The following COL15A1 variants were observed in gnomAD, a reference collection of about 807,000 sequenced individuals.
The protein encoded by COL15A1 is collagen type XV alpha 1 chain, also known as collagen alpha-1(XV) chain.
COL15A1 carries 111 observed loss-of-function variants against 165.9 expected under a neutral mutation model. The observed-to-expected ratio is 0.67, with a 90% CI of 0.57 to 0.78. The LOEUF (loss-of-function observed/expected upper bound fraction) is 0.78, where lower values mean the gene tolerates loss of function less well. COL15A1 is among the 30% of genes least tolerant of loss of function. The probability of loss-of-function intolerance (pLI) is 0.00; values close to 1 mark genes in which losing one functional copy is unlikely to be tolerated. For synonymous variants in COL15A1, 659 were observed against 674.8 expected (o/e 0.98, Z 0.36); for missense variants, 1,745 against 1,789.7 (o/e 0.98, Z 0.45).
Position 98,985,592 on chromosome 9 carries a change from T to C in COL15A1, c.128T>C (p.Leu43Pro), listed in dbSNP as rs995849677. 5 of 1,613,904 alleles carry C rather than the reference T, an allele frequency of 3.1e-6. No homozygotes were observed. In the South Asian group the frequency reaches 5.5e-5, roughly 18 times the overall value. The change falls in exon 3 of 42, where the codon CTC (leucine) becomes CCC (proline). Residue 43 changes from leucine (L) to proline (P), a missense_variant. Leu to Pro is a moderately conservative substitution (Grantham distance 98). Transcript: ENST00000375001. The stretch of plus-strand genomic sequence containing the variant: ...ACTGCTTCCCAGGGTCACCTGGACC[T>C]CACGCAGCTCATCGGTGTCCCGCTG... Reference protein sequence around the residue: ...TETASQGHLDLTQLIGVPLPS... With the variant: ...TETASQGHLDPTQLIGVPLPS...
intron 16 of COL15A1, among the ~76,000 whole-genome samples, chr9:99,027,335 A>G (rs1839142999): frequency 1.3e-5 from 2 of 152,208 alleles, no homozygotes; most frequent in African/African-American, 2.4e-5. Flanking sequence ...CACTGAACTG[A>G]ATTTCTAGTT....
chr9:98,988,268 A>G (rs1463732647), intron 4 of COL15A1, among the ~76,000 whole-genome samples: 1 of 152,238 alleles, frequency 6.6e-6, no homozygotes, highest in East Asian at 1.9e-4. Context: ...CCTGTGTTCC[A>G]TGAGCCAGTG....
chr9:98,981,865 G>A (rs1396695461), intron 2 of COL15A1, among the ~76,000 whole-genome samples: 1 of 151,608 alleles, frequency 6.6e-6, no homozygotes, highest in East Asian at 1.9e-4. Context: ...AGTGCAGTGG[G>A]GTGATCATAG....
At chr9:98,998,271 C>A (rs1838583291) in intron 6 of COL15A1, among the ~76,000 whole-genome samples, 1 of 152,120 alleles carries the variant, frequency 6.6e-6, no homozygotes. Context: ...TACAAGTCTT[C>A]TACAATAATA....
intron 5 of COL15A1, among the ~76,000 whole-genome samples, chr9:98,991,325 C>A (rs1294208702): frequency 6.6e-6 from 1 of 152,110 alleles, no homozygotes; most frequent in Non-Finnish European, 1.5e-5. Flanking sequence ...TTACAGAGAG[C>A]TGATTGGTCC....
At chr9:99,043,497 C>T (rs1479572619) in intron 24 of COL15A1, among the ~76,000 whole-genome samples, 3 of 152,156 alleles carry the variant, frequency 2.0e-5, no homozygotes, top group South Asian at 2.1e-4. Flanking sequence ...TCCAGGCAGC[C>T]GGGCAGTTCT....
intron 6 of COL15A1, among the ~76,000 whole-genome samples, chr9:98,998,806 C>T (rs927264547): frequency 6.6e-6 from 1 of 152,250 alleles, no homozygotes; most frequent in Non-Finnish European, 1.5e-5. Context: ...ATCAGCCACA[C>T]TCCTTATCTA....
chr9:99,054,985 C>A, intron 32 of COL15A1, 117 bp from the exon 33 acceptor site: 1 of 908,352 alleles, frequency 1.1e-6, no homozygotes, highest in Non-Finnish European at 1.8e-6. Context: ...ACTCTGTTAG[C>A]CAACCCAGTG....
chr9:99,004,029 G>A (rs917883421), intron 8 of COL15A1, among the ~76,000 whole-genome samples: 1 of 152,188 alleles, frequency 6.6e-6, no homozygotes, highest in African/African-American at 2.4e-5. Flanking sequence ...CAGCAAGGTG[G>A]GCTGGCAGGA....
intron 5 of COL15A1, among the ~76,000 whole-genome samples, chr9:98,991,071 C>T (rs1838416010): frequency 6.6e-6 from 1 of 152,192 alleles, no homozygotes; most frequent in African/African-American, 2.4e-5. Flanking sequence ...CATGGTCTTG[C>T]TGGCCTCAGG....
chr9:98,998,623 C>A (rs10988521), intron 6 of COL15A1, among the ~76,000 whole-genome samples: 2 of 152,016 alleles, frequency 1.3e-5, no homozygotes, highest in South Asian at 2.1e-4. Context: ...TGAATCTGGC[C>A]GCAGTTGTGG....
In COL15A1 at chr9:99,067,016, C is replaced by T; in HGVS notation, c.3786C>T (p.Ser1262=). ...AFLSSHLQDL[S]TIVRKAERYS... Reference sequence around the variant, plus strand: ...TATCTTCCCATTTGCAAGATCTGTCCACCATTGTGAGGAAAGCAGAGAGAT... The same window carrying T: ...TATCTTCCCATTTGCAAGATCTGTCTACCATTGTGAGGAAAGCAGAGAGAT... Residue 1262 remains serine, a synonymous_variant, in exon 40 of 42, where the codon TCC becomes TCT. Coordinates refer to ENST00000375001, the MANE Select transcript of COL15A1 (RefSeq NM_001855.5). The T allele has an allele frequency of 6.2e-7, 1 of 1,614,128 alleles. No individual in the cohort carries two copies.
Position 99,049,987 on chromosome 9 carries a change from C to G in COL15A1, c.2904+92C>G, listed in dbSNP as rs1032870687. 2.2e-5 allele frequency: 34 copies of G among 1,534,756 alleles called. No individual in the cohort carries two copies. The African/African-American group carries it at 4.2e-4, about 19-fold the overall frequency. On this transcript the variant is annotated intron_variant, in intron 30 of 41. Transcript: ENST00000375001. ...GTCTTTGTCTTGGGCCCTTTCTATC[C>G]TCAAATGTCCTCTCTGATGTCTTCT...
Position 99,005,005 on chromosome 9 carries a change from G to A in COL15A1, c.1308G>A (p.Leu436=), listed in dbSNP as rs768244834. The A allele has an allele frequency of 1.9e-5, 30 of 1,613,516 alleles. No individual in the cohort carries two copies. The Admixed American group carries it at 5.0e-4, about 27-fold the overall frequency. The change falls in exon 9 of 42, where the codon CTG becomes CTA. Residue 436 remains leucine, a synonymous_variant. Transcript: ENST00000375001. ...CCAGTGGTGTGGCCCCCGGGGAGCT[G>A]GACCTCTCCATGTCCGCCCAGAGCC... ...VEASGVAPGE[L]DLSMSAQSLG...
At chr9:99,044,519 G>C in intron 24 of COL15A1, 49 bp from the exon 25 acceptor site, 1 of 1,566,570 alleles carries the variant, frequency 6.4e-7, no homozygotes, top group Non-Finnish European at 8.8e-7. Flanking sequence ...CTCTGGACAA[G>C]GTGGCAAGGA....
At chr9:99,002,312 C>G (rs1838673189) in intron 7 of COL15A1, among the ~76,000 whole-genome samples, 1 of 151,970 alleles carries the variant, frequency 6.6e-6, no homozygotes, top group Admixed American at 6.6e-5. Flanking sequence ...CACCTTTTGT[C>G]TCCCTGGAGA....
chr9:98,999,402 G>A (rs1241168687), intron 6 of COL15A1, among the ~76,000 whole-genome samples: 2 of 152,226 alleles, frequency 1.3e-5, no homozygotes, highest in African/African-American at 4.8e-5. Context: ...GGGTCCCGGT[G>A]GGCAGGACAG....
At chr9:98,984,937 A>G (rs965990711) in intron 2 of COL15A1, among the ~76,000 whole-genome samples, 1 of 152,208 alleles carries the variant, frequency 6.6e-6, no homozygotes, top group Non-Finnish European at 1.5e-5. Flanking sequence ...GATTGCAGGC[A>G]TGTGCCAGCA....
intron 16 of COL15A1, among the ~76,000 whole-genome samples, chr9:99,026,620 C>T (rs978424907): frequency 2.1e-4 from 32 of 152,358 alleles, no homozygotes; most frequent in Admixed American, 2.0e-3. Context: ...TGCCCAAATG[C>T]TCTGGGCACG....
Sources: allele counts gnomAD v4.1 joint callset (sites outside exome capture counted in the v4.1 genomes callset), GRCh38; gene constraint gnomAD v4.1.1; transcripts MANE v1.5; gene names NCBI Gene and HGNC (gene_info 2026-07-23, HGNC 2026-07-21).